Variants in PDE4B observed in about 807,000 individuals in gnomAD.
The protein encoded by PDE4B is phosphodiesterase 4B.
Under a neutral mutation model 82.2 loss-of-function variants are expected in PDE4B, and 20 were observed. The observed-to-expected ratio is 0.24, with a 90% CI of 0.17 to 0.35. The LOEUF (loss-of-function observed/expected upper bound fraction) is 0.35. Ranked by LOEUF, PDE4B falls within the 10% of genes least tolerant of loss-of-function variation. The pLI, the probability that PDE4B is intolerant of heterozygous loss-of-function variation, is 1.00. For missense variants in PDE4B, 655 were observed against 907.2 expected, an observed-to-expected ratio of 0.72 and a Z score of 3.57; for synonymous variants, 320 against 318.9, an observed-to-expected ratio of 1.00 and a Z score of -0.04.
intron 3 of PDE4B, among the ~76,000 whole-genome samples, chr1:66,182,718 G>A (rs1399801363): frequency 3.3e-5 from 5 of 152,098 alleles, no homozygotes; most frequent in Non-Finnish European, 7.4e-5. Flanking sequence ...TGACGTCATT[G>A]GGAGGTTTCA....
At chr1:66,257,361 A>C in intron 4 of PDE4B, 1 of 536,824 alleles carries the variant, frequency 1.9e-6, no homozygotes, top group Non-Finnish European at 3.5e-6. Context: ...AGTACTCTGG[A>C]TCTGTTATTT....
intron 3 of PDE4B, among the ~76,000 whole-genome samples, chr1:66,131,871 C>T (rs953731245): frequency 1.3e-5 from 2 of 151,856 alleles, no homozygotes; most frequent in Non-Finnish European, 2.9e-5. Context: ...TCTCTGTCAG[C>T]TGACCTCTAA....
intron 3 of PDE4B, among the ~76,000 whole-genome samples, chr1:66,243,106 T>C (rs937307951): frequency 6.6e-6 from 1 of 152,242 alleles, no homozygotes; most frequent in African/African-American, 2.4e-5. Flanking sequence ...TGCAGATTTG[T>C]TTTGCTCAGG....
At chr1:65,817,595 A>G (rs531395126) in intron 1 of PDE4B, among the ~76,000 whole-genome samples, 2 of 152,228 alleles carry the variant, frequency 1.3e-5, no homozygotes, top group Non-Finnish European at 2.9e-5. Context: ...ACCAGACTCT[A>G]TATCTAAATT....
At chr1:66,045,341 T>G (rs1030106996) in intron 3 of PDE4B, among the ~76,000 whole-genome samples, 1 of 151,726 alleles carries the variant, frequency 6.6e-6, no homozygotes, top group Non-Finnish European at 1.5e-5. Flanking sequence ...TCTTCTGTTT[T>G]GAAGTCTAAT....
At chr1:65,883,243 G>C (rs1646730281) in intron 1 of PDE4B, among the ~76,000 whole-genome samples, 1 of 152,056 alleles carries the variant, frequency 6.6e-6, no homozygotes, top group African/African-American at 2.4e-5. Flanking sequence ...AAATTACTTT[G>C]GGCAGTATGG....
intron 3 of PDE4B, among the ~76,000 whole-genome samples, chr1:65,965,286 C>T (rs1011280590): frequency 6.6e-6 from 1 of 151,954 alleles, no homozygotes; most frequent in Admixed American, 6.6e-5. Flanking sequence ...TTTTACTGTA[C>T]GATTAATTAG....
At chr1:66,255,751 CTGTATTAAAA>C (rs1244964190) in intron 4 of PDE4B, among the ~76,000 whole-genome samples, 1 of 152,202 alleles carries the variant, frequency 6.6e-6, no homozygotes, top group Non-Finnish European at 1.5e-5. Flanking sequence ...AATTCTCATT[CTGTATTAAAA>C]TGTCTATTAC....
chr1:66,200,058 A>C (rs60147362), intron 3 of PDE4B, among the ~76,000 whole-genome samples: 5,881 of 152,088 alleles, frequency 0.039, 219 homozygotes, highest in African/African-American at 0.1. Context: ...TCAGCTTTGT[A>C]CATATGGCTA....
In PDE4B at chr1:66,068,103, A is replaced by AT. The variant is rs1490343446; in HGVS notation, c.281+149270dup. ...AAACTTAAAGTATAATAATAATAAA[A>AT]TTAAAAAAAAAAGACACAGCAACTA... On this transcript the variant is annotated intron_variant, in intron 3 of 16. Coordinates refer to ENST00000341517, the MANE Select transcript of PDE4B (RefSeq NM_002600.4). Among the ~76,000 whole-genome samples the AT allele has an allele frequency of 9.1e-4, 40 of 43,904 alleles. 1 individual carries two copies. Among genetic ancestry groups the AT allele is most frequent in the African/African-American group, 2.7e-3 (36 of 13,510 alleles). 28.8% of individuals were successfully genotyped at this position (43,904 alleles called of 152,430 possible).
intron 7 of PDE4B, chr1:66,266,669 C>T (rs1440239402): frequency 7.6e-6 from 4 of 524,734 alleles, no homozygotes; most frequent in Admixed American, 6.0e-5. Flanking sequence ...TCTCATCTTT[C>T]AGGACAGTGC....
At chr1:65,865,103 C>A (rs541909294) in intron 1 of PDE4B, among the ~76,000 whole-genome samples, 1 of 152,298 alleles carries the variant, frequency 6.6e-6, no homozygotes, top group Non-Finnish European at 1.5e-5. Context: ...TCTAGAGAGG[C>A]AGTCTGCCCA....
chr1:66,337,551 C>T (rs1233710259), intron 8 of PDE4B, among the ~76,000 whole-genome samples: 1 of 152,170 alleles, frequency 6.6e-6, no homozygotes, highest in Non-Finnish European at 1.5e-5. Flanking sequence ...GACGGCTGCT[C>T]ACAGGTCCCT....
At chr1:65,794,547 G>A (rs1645609914) in intron 1 of PDE4B, among the ~76,000 whole-genome samples, 1 of 152,138 alleles carries the variant, frequency 6.6e-6, no homozygotes, top group African/African-American at 2.4e-5. Flanking sequence ...TGCAGGTAAA[G>A]GAAGTTGAGC....
chr1:66,092,206 G>A (rs1645039068), intron 3 of PDE4B, among the ~76,000 whole-genome samples: 1 of 152,030 alleles, frequency 6.6e-6, no homozygotes, highest in South Asian at 2.1e-4. Flanking sequence ...TTTTGAGTTA[G>A]AGTACAGTAA....
chr1:66,263,011 G>A (rs796896506), intron 6 of PDE4B, among the ~76,000 whole-genome samples: 5 of 152,328 alleles, frequency 3.3e-5, no homozygotes, highest in African/African-American at 7.2e-5. Flanking sequence ...TCAGGAAAAG[G>A]TGTAAGATAA....
At chr1:66,143,027 G>T (rs1570332447) in intron 3 of PDE4B, among the ~76,000 whole-genome samples, 1 of 152,224 alleles carries the variant, frequency 6.6e-6, no homozygotes, top group South Asian at 2.1e-4. Context: ...AAAGGCTGTA[G>T]ATGCAGTACG....
Position 66,317,857 on chromosome 1 carries a change from A to T in PDE4B, c.635-14651A>T, listed in dbSNP as rs1261899230. 2.0e-5 allele frequency among the ~76,000 whole-genome samples: 3 copies of T among 152,208 alleles called. No individual in the cohort carries two copies. In the East Asian group the frequency reaches 5.8e-4, roughly 29 times the overall value. ...GGCTGCAGTGAGCCGTGATCACGCC[A>T]TTGTGCTCCAGCCTGGGTGACAGAG... On this transcript the variant is annotated intron_variant, in intron 7 of 16. Transcript: ENST00000341517.
chr1:66,177,627 G>A (rs538847624), intron 3 of PDE4B, among the ~76,000 whole-genome samples: 21 of 152,332 alleles, frequency 1.4e-4, no homozygotes, highest in Admixed American at 1.4e-3. Flanking sequence ...TTGTCCTTGA[G>A]CAGTGTCATA....
Sources: gnomAD v4.1 joint callset for allele counts (sites outside exome capture counted in the v4.1 genomes callset) on GRCh38, gnomAD v4.1.1 for gene constraint, MANE v1.5 for transcripts, NCBI Gene and HGNC (gene_info 2026-07-23, HGNC 2026-07-21) for gene names.